The following TULP4 variants were observed in gnomAD, a reference collection of about 807,000 sequenced individuals.
TULP4 encodes tubby-related protein 4.
In TULP4, 16 loss-of-function variants were observed where a neutral mutation model predicts 129.0. The ratio of observed to expected loss-of-function variants is 0.12; its 90% confidence interval spans 0.08 to 0.19. The LOEUF (loss-of-function observed/expected upper bound fraction) is 0.19. TULP4 is among the 10% of genes least tolerant of loss of function. The pLI is 1.00. For synonymous variants in TULP4, 998 were observed against 854.0 expected, an observed-to-expected ratio of 1.17 and a Z score of -2.94; for missense variants, 1,842 against 2,059.1, an observed-to-expected ratio of 0.89 and a Z score of 2.04.
At chr6:158,268,902 C>T (rs1778498368) in intron 1 of TULP4, among the ~76,000 whole-genome samples, 2 of 151,968 alleles carry the variant, frequency 1.3e-5, no homozygotes, top group African/African-American at 4.8e-5. Context: ...TGGCTTAATC[C>T]TCCCTTTAGC....
At chr6:158,331,482 G>T (rs1342407375) in intron 1 of TULP4, among the ~76,000 whole-genome samples, 1 of 151,852 alleles carries the variant, frequency 6.6e-6, no homozygotes, top group Non-Finnish European at 1.5e-5. Context: ...CCAGTCACTG[G>T]CAGTGGTAGG....
chr6:158,345,816 T>A (rs1439754021), intron 1 of TULP4, among the ~76,000 whole-genome samples: 1 of 151,798 alleles, frequency 6.6e-6, no homozygotes, highest in Non-Finnish European at 1.5e-5. Flanking sequence ...CAGGGCAGGG[T>A]TTTTCCCTAC....
chr6:158,429,399 G>A (rs908356468), intron 2 of TULP4, among the ~76,000 whole-genome samples: 1 of 152,146 alleles, frequency 6.6e-6, no homozygotes, highest in African/African-American at 2.4e-5. Flanking sequence ...TCGGCCTCCC[G>A]AAGTGCTGGG....
chr6:158,422,108 A>T (rs917802900), intron 2 of TULP4, among the ~76,000 whole-genome samples: 7 of 152,328 alleles, frequency 4.6e-5, no homozygotes, highest in African/African-American at 1.4e-4. Flanking sequence ...TGAAAGAAAA[A>T]GTAAGAAATA....
At chr6:158,290,050 C>T (rs1168904025) in intron 1 of TULP4, among the ~76,000 whole-genome samples, 2 of 151,994 alleles carry the variant, frequency 1.3e-5, no homozygotes, top group Non-Finnish European at 2.9e-5. Flanking sequence ...CATCCTCCCA[C>T]CTCAGTCTCT....
chr6:158,336,291 A>G (rs1233512031), intron 1 of TULP4, among the ~76,000 whole-genome samples: 1 of 152,202 alleles, frequency 6.6e-6, no homozygotes, highest in African/African-American at 2.4e-5. Context: ...TCACCTTCAA[A>G]TTGTAAAATG....
At chr6:158,276,247 G>C (rs1221606264) in intron 1 of TULP4, among the ~76,000 whole-genome samples, 1 of 152,020 alleles carries the variant, frequency 6.6e-6, no homozygotes, top group Non-Finnish European at 1.5e-5. Context: ...TGGGATTACA[G>C]GCGTGAGCCA....
intron 2 of TULP4, among the ~76,000 whole-genome samples, chr6:158,415,062 G>A (rs1157030656): frequency 6.6e-6 from 1 of 152,204 alleles, no homozygotes; most frequent in African/African-American, 2.4e-5. Flanking sequence ...TGTATTCATA[G>A]TGTAGTTACA....
At chr6:158,324,150 C>T (rs1779695576) in intron 1 of TULP4, among the ~76,000 whole-genome samples, 1 of 152,190 alleles carries the variant, frequency 6.6e-6, no homozygotes, top group South Asian at 2.1e-4. Flanking sequence ...TATCTGCCAG[C>T]TTTATCACGA....
rs753646341 is a variant in TULP4, at chr6:158,502,937, G to A, written c.3274G>A (p.Glu1092Lys). ...DYVNSAFTED[E>K]ALSQHCQLEK... ...CGTCAACTCGGCCTTCACGGAGGAC[G>A]AGGCCCTGTCCCAGCACTGTCAGCT... The change falls in exon 13 of 14, where the codon GAG becomes AAG. Residue 1092 changes from glutamate (E) to lysine (K), a missense_variant. Physicochemically the swap from Glu to Lys is moderately conservative, Grantham distance 56. Transcript: ENST00000367097. 65 of 1,613,898 alleles carry A rather than the reference G, an allele frequency of 4.0e-5. No homozygotes were observed. The highest frequency in any genetic ancestry group is 1.6e-4 in the Middle Eastern group (1 of 6,084).
At chr6:158,390,693 G>T (rs1241933488) in intron 1 of TULP4, among the ~76,000 whole-genome samples, 1 of 152,218 alleles carries the variant, frequency 6.6e-6, no homozygotes, top group Non-Finnish European at 1.5e-5. Context: ...AGAGTCATAT[G>T]ACGTGAAGGA....
upstream of TULP4, among the ~76,000 whole-genome samples, chr6:158,308,895 C>G (rs1186606863): frequency 1.4e-5 from 2 of 139,706 alleles, no homozygotes; most frequent in Non-Finnish European, 3.2e-5. Flanking sequence ...CTGACCCCCC[C>G]ACCTCCCTCC....
chr6:158,260,501 G>C (rs369443444), intron 1 of TULP4, among the ~76,000 whole-genome samples: 2 of 151,480 alleles, frequency 1.3e-5, no homozygotes, highest in Non-Finnish European at 2.9e-5. Flanking sequence ...GCATGAACCC[G>C]GGGGGCGGAG....
chr6:158,246,352 C>T (rs1465810856), intron 1 of TULP4, among the ~76,000 whole-genome samples: 7 of 151,880 alleles, frequency 4.6e-5, no homozygotes, highest in African/African-American at 1.2e-4. Context: ...ATTAGCCGGG[C>T]GTGGTGGCAG....
At position 158,313,881 on chromosome 6, in the gene TULP4, T is replaced by C. The variant is rs115104209; in HGVS notation, c.-136T>C. 0.14 allele frequency: 125,525 copies of C among 914,436 alleles called. 9,376 individuals carry two copies. Among genetic ancestry groups the C allele is most frequent in the African/African-American group, 0.25 (14,978 of 59,910 alleles). 56.6% of individuals were successfully genotyped at this position (914,436 alleles called of 1,614,324 possible). A position where few individuals can be genotyped will look rare whatever the true frequency, so the allele number is the denominator to read the frequency against. ...TAAAATACTGACCTTCTAATTAGAT[T>C]CAGGTCAGTCTTAATTAAAGGGGGA... On this transcript the variant is annotated 5_prime_UTR_variant, in exon 1 of 14. Transcript: ENST00000367097.
At chr6:158,334,323 A>T (rs1779983669) in intron 1 of TULP4, among the ~76,000 whole-genome samples, 1 of 152,220 alleles carries the variant, frequency 6.6e-6, no homozygotes, top group South Asian at 2.1e-4. Flanking sequence ...CAGATAGTTC[A>T]TCTTGTAAAC....
chr6:158,446,554 C>G (rs1779047380), intron 3 of TULP4, among the ~76,000 whole-genome samples: 1 of 152,144 alleles, frequency 6.6e-6, no homozygotes, highest in South Asian at 2.1e-4. Context: ...TCATTTCCTC[C>G]CTTTTGCAAA....
chr6:158,313,680 T>G lies in TULP4; in HGVS notation c.-337T>G. 1 of 444,826 alleles carries G rather than the reference T, an allele frequency of 2.2e-6. No individual in the cohort carries two copies. The highest frequency in any genetic ancestry group is 3.9e-6 in the Non-Finnish European group (1 of 254,482). The allele number at this position is 444,826 out of a possible 1,614,324, so 27.6% of individuals were successfully genotyped here. A position where few individuals can be genotyped will look rare whatever the true frequency, so the allele number is the denominator to read the frequency against. ...AAGTGGAGTAAAAAGAAGAAAACCG[T>G]TTCTTGATCACCACTTAATTAACGA... On this transcript the variant is annotated 5_prime_UTR_variant, in exon 1 of 14. Coordinates refer to ENST00000367097, the MANE Select transcript of TULP4 (RefSeq NM_020245.5).
At chr6:158,488,970 A>G (rs1034500462) in intron 8 of TULP4, among the ~76,000 whole-genome samples, 6 of 152,270 alleles carry the variant, frequency 3.9e-5, no homozygotes, top group African/African-American at 1.4e-4. Flanking sequence ...GTACCCCCAG[A>G]AGAACCCAGA....
Sources: allele counts gnomAD v4.1 joint callset (sites outside exome capture counted in the v4.1 genomes callset), GRCh38; gene constraint gnomAD v4.1.1; transcripts MANE v1.5; gene names NCBI Gene and HGNC (gene_info 2026-07-23, HGNC 2026-07-21).